Variants in MAST2 observed in about 807,000 individuals in gnomAD.
MAST2 encodes the protein microtubule-associated serine/threonine-protein kinase 2.
A neutral mutation model predicts 147.4 loss-of-function variants in MAST2; 70 were observed. The ratio of observed to expected loss-of-function variants is 0.47; its 90% CI spans 0.39 to 0.58. The LOEUF (loss-of-function observed/expected upper bound fraction) is 0.58. Ranked by LOEUF, MAST2 falls within the 20% of genes least tolerant of loss-of-function variation. MAST2 has a pLI of 0.00. For missense variants in MAST2, 2,080 were observed against 2,302.3 expected, an observed-to-expected ratio of 0.90 and a Z score of 1.98; for synonymous variants, 869 against 896.8, an observed-to-expected ratio of 0.97 and a Z score of 0.55.
At chr1:45,982,818 G>A (rs914676643) in intron 5 of MAST2, among the ~76,000 whole-genome samples, 2 of 152,160 alleles carry the variant, frequency 1.3e-5, no homozygotes, top group African/African-American at 2.4e-5. Context: ...TTGGAAGTGC[G>A]GCAGTCTTGT....
At chr1:45,963,767 T>G (rs972063674) in intron 5 of MAST2, among the ~76,000 whole-genome samples, 3 of 152,322 alleles carry the variant, frequency 2.0e-5, no homozygotes, top group East Asian at 1.9e-4. Context: ...TTTTCCTGCC[T>G]GATTGCCCTG....
chr1:45,963,990 T>A (rs2148939449), intron 5 of MAST2, among the ~76,000 whole-genome samples: 1 of 152,342 alleles, frequency 6.6e-6, no homozygotes, highest in South Asian at 2.1e-4. Context: ...GTTTTTGTCT[T>A]TGGTTCTGTT....
intron 10 of MAST2, among the ~76,000 whole-genome samples, chr1:46,016,347 A>G (rs1191565894): frequency 5.3e-5 from 8 of 151,450 alleles, no homozygotes; most frequent in Non-Finnish European, 4.4e-5. Flanking sequence ...GAGGCAGGAG[A>G]AGGAAATAAA....
chr1:45,818,734 C>T (rs903042744), intron 1 of MAST2, among the ~76,000 whole-genome samples: 1 of 152,204 alleles, frequency 6.6e-6, no homozygotes, highest in Non-Finnish European at 1.5e-5. Flanking sequence ...CACCACTGCA[C>T]TGTACAGTTG....
intron 18 of MAST2, 65 bp from the exon 19 acceptor site, chr1:46,029,401 C>T: frequency 2.2e-6 from 3 of 1,361,136 alleles, no homozygotes; most frequent in Non-Finnish European, 3.1e-6. Context: ...GTTCTGGGAC[C>T]CTCTTCTGCA....
chr1:46,030,296 C>A, intron 21 of MAST2, 58 bp downstream of exon 21: 1 of 1,532,972 alleles, frequency 6.5e-7, no homozygotes, highest in Non-Finnish European at 9.0e-7. Flanking sequence ...AAGAAGAGGG[C>A]CTGTCAAAGG....
chr1:45,953,840 T>G (rs946891884), intron 4 of MAST2, among the ~76,000 whole-genome samples: 9 of 152,138 alleles, frequency 5.9e-5, no homozygotes, highest in African/African-American at 2.2e-4. Flanking sequence ...AGGAGGGTAT[T>G]GAAATCCAGG....
At chr1:45,914,182 G>A (rs1273094758) in intron 4 of MAST2, among the ~76,000 whole-genome samples, 2 of 152,176 alleles carry the variant, frequency 1.3e-5, no homozygotes, top group African/African-American at 4.8e-5. Context: ...TAAAGTTAGT[G>A]TCAAGGCTGC....
At position 45,821,519 on chromosome 1, in the gene MAST2, T is replaced by C. The variant is rs1310419854; in HGVS notation, c.178-2914T>C. On this transcript the variant is annotated intron_variant, in intron 1 of 28. Coordinates refer to ENST00000361297, the MANE Select transcript of MAST2 (RefSeq NM_015112.3). The stretch of plus-strand genomic sequence containing the variant: ...AGTTTTGGTATGTTATTTCTTCTTT[T>C]TTTTTTTTTTTTTTTTTTTGAGACA... Among the ~76,000 whole-genome samples, 31 of 138,972 alleles carry C rather than the reference T, an allele frequency of 2.2e-4. No homozygotes were observed. In the East Asian group the frequency reaches 4.1e-3, roughly 19 times the overall value. The allele number at this position is 138,972 out of a possible 152,430, so 91.2% of individuals were successfully genotyped here.
chr1:45,880,819 A>G (rs1346523951), intron 3 of MAST2, among the ~76,000 whole-genome samples: 1 of 151,960 alleles, frequency 6.6e-6, no homozygotes, highest in Non-Finnish European at 1.5e-5. Flanking sequence ...TGTCTCTACT[A>G]AAAATACAAA....
chr1:46,012,839 AG>A (rs1003354630), intron 10 of MAST2, among the ~76,000 whole-genome samples: 1 of 151,936 alleles, frequency 6.6e-6, no homozygotes, highest in African/African-American at 2.4e-5. Flanking sequence ...TACACTAGCC[AG>A]GCATTTCACC....
intron 4 of MAST2, chr1:45,914,024 G>GACCACTGTTTTGACCTTGAA: frequency 2.7e-6 from 1 of 374,138 alleles, no homozygotes; most frequent in Non-Finnish European, 3.8e-6. Flanking sequence ...TTAATTCAAG[G>GACCACTGTTTTGACCTTGAA]TCAAAACAGT....
At chr1:45,856,450 G>A (rs895752636) in intron 3 of MAST2, among the ~76,000 whole-genome samples, 6 of 152,152 alleles carry the variant, frequency 3.9e-5, no homozygotes, top group African/African-American at 1.4e-4. Flanking sequence ...GAGACTATTT[G>A]CAGTCACACA....
chr1:45,842,965 T>C (rs1293662641), intron 3 of MAST2, among the ~76,000 whole-genome samples: 5 of 152,220 alleles, frequency 3.3e-5, no homozygotes, highest in Non-Finnish European at 5.9e-5. Flanking sequence ...TAAAAAATTA[T>C]TGTTTAGTTA....
At chr1:45,856,298 A>T (rs567573698) in intron 3 of MAST2, among the ~76,000 whole-genome samples, 1 of 152,364 alleles carries the variant, frequency 6.6e-6, no homozygotes, top group South Asian at 2.1e-4. Context: ...CGTATCTAAA[A>T]ATAATAACAG....
At chr1:45,824,349 A>T in intron 1 of MAST2, 84 bp from the exon 2 acceptor site, 1 of 1,020,526 alleles carries the variant, frequency 9.8e-7, no homozygotes, top group Non-Finnish European at 1.4e-6. Flanking sequence ...ATTGTAGTGA[A>T]TGCTGTAGAG....
At chr1:45,843,759 T>C (rs1645346702) in intron 3 of MAST2, among the ~76,000 whole-genome samples, 1 of 152,228 alleles carries the variant, frequency 6.6e-6, no homozygotes. Context: ...TTTTTCTTTT[T>C]GTAAGAGGAA....
At chr1:46,011,599 C>T (rs192771388) in intron 10 of MAST2, among the ~76,000 whole-genome samples, 28 of 152,308 alleles carry the variant, frequency 1.8e-4, no homozygotes, top group African/African-American at 5.3e-4. Context: ...CAGACCACAG[C>T]GGCTCCATGT....
At chr1:45,804,170 G>A (rs1644070467) in intron 1 of MAST2, 98 bp downstream of exon 1, 3 of 1,249,112 alleles carry the variant, frequency 2.4e-6, no homozygotes, top group Non-Finnish European at 3.0e-6. Context: ...TGGAGGGGTG[G>A]GGTCTGAGTA....
Sources: allele counts gnomAD v4.1 joint callset (sites outside exome capture counted in the v4.1 genomes callset), GRCh38; gene constraint gnomAD v4.1.1; transcripts MANE v1.5; gene names NCBI Gene and HGNC (gene_info 2026-07-23, HGNC 2026-07-21).